The following CHD9NB variants were observed in gnomAD, a reference collection of about 807,000 sequenced individuals.
CHD9NB encodes CHD9 neighbor, also known as CHD9 neighbor protein.
chr16:53,037,344 A>G, the CHD9NB span, among the ~76,000 whole-genome samples: 2 of 152,294 alleles, frequency 1.3e-5, no homozygotes, highest in African/African-American at 4.8e-5. Context: ...TTCCTCTTCC[A>G]TGTTGGGTTC....
chr16:53,051,527 C>A, the CHD9NB span, among the ~76,000 whole-genome samples: 1 of 150,180 alleles, frequency 6.7e-6, no homozygotes, highest in Non-Finnish European at 1.5e-5. Context: ...GGACAAAAAA[C>A]CAAACACCGC....
chr16:53,044,037 G>T, the CHD9NB span: 7 of 398,822 alleles, frequency 1.8e-5, no homozygotes, highest in Middle Eastern at 6.3e-4. Flanking sequence ...CTTCAGCGGG[G>T]CATCCTTGCA....
chr16:53,036,721 G>A, the CHD9NB span, among the ~76,000 whole-genome samples: 1 of 152,206 alleles, frequency 6.6e-6, no homozygotes, highest in Non-Finnish European at 1.5e-5. Flanking sequence ...CCGTAGGCTA[G>A]ACACCAAAAC....
the CHD9NB span, among the ~76,000 whole-genome samples, chr16:53,051,427 T>G: frequency 2.0e-5 from 3 of 151,950 alleles, no homozygotes; most frequent in South Asian, 4.1e-4. Context: ...CATCATGGAG[T>G]ACTATGCAGC....
the CHD9NB span, among the ~76,000 whole-genome samples, chr16:53,048,314 G>A: frequency 1.3e-5 from 2 of 152,094 alleles, no homozygotes; most frequent in Non-Finnish European, 2.9e-5. Flanking sequence ...GCTGCAGTGG[G>A]AGGTCACTGG....
the CHD9NB span, chr16:53,035,997 T>A: frequency 6.6e-6 from 1 of 151,792 alleles, no homozygotes; most frequent in African/African-American, 2.4e-5. Flanking sequence ...GTCATTGGAT[T>A]TAGGGCTCAC....
the CHD9NB span, among the ~76,000 whole-genome samples, chr16:53,045,266 G>A: frequency 1.2e-4 from 18 of 152,248 alleles, no homozygotes; most frequent in Admixed American, 3.3e-4. Flanking sequence ...CTCTTTATCA[G>A]TATGCTAATC....
the CHD9NB span, among the ~76,000 whole-genome samples, chr16:53,045,724 TG>T: frequency 1.3e-5 from 2 of 152,212 alleles, no homozygotes; most frequent in Non-Finnish European, 2.9e-5. Flanking sequence ...CAGACCTTCT[TG>T]GTTACTCCTC....
At chr16:53,047,719 C>T in the CHD9NB span, among the ~76,000 whole-genome samples, 1 of 152,046 alleles carries the variant, frequency 6.6e-6, no homozygotes, top group Admixed American at 6.6e-5. Context: ...GAGGTAGGGC[C>T]GGGTGTGGTG....
chr16:53,044,428 G>A, the CHD9NB span, among the ~76,000 whole-genome samples: 18 of 152,342 alleles, frequency 1.2e-4, no homozygotes, highest in African/African-American at 3.6e-4. Flanking sequence ...ATTCCCTTTT[G>A]TTTAATCTGT....
chr16:53,037,492 A>G, the CHD9NB span, among the ~76,000 whole-genome samples: 4 of 152,206 alleles, frequency 2.6e-5, no homozygotes, highest in African/African-American at 9.6e-5. Context: ...CAACTTAACA[A>G]AAGAGAGAGG....
chr16:53,052,749 G>A, the CHD9NB span: 1 of 153,096 alleles, frequency 6.5e-6, no homozygotes, highest in Non-Finnish European at 1.5e-5. Flanking sequence ...TTGTCTGGCA[G>A]CTGGTACTTA....
At chr16:53,047,005 A>G in the CHD9NB span, among the ~76,000 whole-genome samples, 1 of 152,176 alleles carries the variant, frequency 6.6e-6, no homozygotes, top group Non-Finnish European at 1.5e-5. Flanking sequence ...ATATGACCAA[A>G]AGAAAGGCAA....
At chr16:53,052,331 C>A in the CHD9NB span, among the ~76,000 whole-genome samples, 1 of 151,938 alleles carries the variant, frequency 6.6e-6, no homozygotes, top group Non-Finnish European at 1.5e-5. Context: ...CCCTTGAGCT[C>A]GAATTTGTGG....
At chr16:53,044,146 A>C in the CHD9NB span, 12 of 398,666 alleles carry the variant, frequency 3.0e-5, no homozygotes, top group East Asian at 3.2e-4. Flanking sequence ...CTCTTGCTGG[A>C]GTGGCACCCC....
chr16:53,045,435 G>A, the CHD9NB span, among the ~76,000 whole-genome samples: 6 of 152,120 alleles, frequency 3.9e-5, no homozygotes, highest in African/African-American at 1.2e-4. Flanking sequence ...GTGAAGCCTC[G>A]TGTTCTATGG....
At chr16:53,041,891 T>G in the CHD9NB span, among the ~76,000 whole-genome samples, 1 of 152,202 alleles carries the variant, frequency 6.6e-6, no homozygotes, top group Non-Finnish European at 1.5e-5. Context: ...GCCTGTTTCC[T>G]GGCCTGCAGC....
At chr16:53,040,135 T>C in the CHD9NB span, among the ~76,000 whole-genome samples, 1 of 151,990 alleles carries the variant, frequency 6.6e-6, no homozygotes, top group South Asian at 2.1e-4. Context: ...CATGGTGCAA[T>C]CTAGGCTCAC....
At chr16:53,038,266 C>T in the CHD9NB span, among the ~76,000 whole-genome samples, 714 of 152,322 alleles carry the variant, frequency 4.7e-3, 5 homozygotes, top group Middle Eastern at 0.01. Context: ...TCCAGAAACA[C>T]GCTCCCAGGC....
Sources: allele counts gnomAD v4.1 joint callset (sites outside exome capture counted in the v4.1 genomes callset), GRCh38; gene constraint gnomAD v4.1.1; transcripts MANE v1.5; gene names NCBI Gene and HGNC (gene_info 2026-07-23, HGNC 2026-07-21).